Variants in TMEM38B observed in about 807,000 individuals in gnomAD.
TMEM38B encodes trimeric intracellular cation channel type B.
In TMEM38B, 24 loss-of-function variants were observed where a neutral mutation model predicts 28.7. The observed-to-expected ratio is 0.84, with a 90% CI of 0.61 to 1.18. The LOEUF (loss-of-function observed/expected upper bound fraction) is 1.18. Ranked by LOEUF, TMEM38B falls within the 50% of genes most tolerant of loss-of-function variation. The pLI is 0.00. For synonymous variants in TMEM38B, 131 were observed against 127.7 expected, an observed-to-expected ratio of 1.03 and a Z score of -0.17; for missense variants, 380 against 350.9, an observed-to-expected ratio of 1.08 and a Z score of -0.66.
At position 105,774,154 on chromosome 9, in the gene TMEM38B, T is replaced by G. The variant is rs1330593044; in HGVS notation, c.*74T>G. 1.1e-5 allele frequency: 14 copies of G among 1,230,572 alleles called. No homozygotes were observed. The highest frequency in any genetic ancestry group is 1.4e-5 in the Non-Finnish European group (12 of 870,124). 76.2% of individuals were successfully genotyped at this position (1,230,572 alleles called of 1,614,324 possible). On this transcript the variant is annotated 3_prime_UTR_variant, in exon 6 of 6. Coordinates refer to ENST00000374692, the MANE Select transcript of TMEM38B (RefSeq NM_018112.3). ...CTGTTATATTGTGCTAATTTTTCTA[T>G]GTATGTGATGTGAAATGAAGACTAT... is the stretch of plus-strand genomic sequence containing the variant.
At chr9:105,744,789 A>G (rs1383226660) in intron 4 of TMEM38B, among the ~76,000 whole-genome samples, 1 of 151,632 alleles carries the variant, frequency 6.6e-6, no homozygotes, top group Non-Finnish European at 1.5e-5. Flanking sequence ...TCCTGTGTCC[A>G]TGTGTTCTCA....
intron 5 of TMEM38B, among the ~76,000 whole-genome samples, chr9:105,755,313 G>A (rs1355593835): frequency 6.6e-6 from 1 of 152,072 alleles, no homozygotes; most frequent in Non-Finnish European, 1.5e-5. Flanking sequence ...GTGGAGGGAG[G>A]GAGAGCATCA....
At chr9:105,767,274 T>A (rs999500249) in intron 5 of TMEM38B, among the ~76,000 whole-genome samples, 6 of 152,146 alleles carry the variant, frequency 3.9e-5, no homozygotes, top group African/African-American at 1.4e-4. Context: ...GTGGGTCTAT[T>A]TCTAGACTAT....
intron 2 of TMEM38B, among the ~76,000 whole-genome samples, chr9:105,708,766 A>G (rs1265441623): frequency 3.3e-5 from 5 of 152,160 alleles, no homozygotes; most frequent in African/African-American, 1.2e-4. Flanking sequence ...TTCCCTGACT[A>G]AAGTAGCACC....
At chr9:105,727,818 A>G (rs2133585942) in intron 4 of TMEM38B, among the ~76,000 whole-genome samples, 1 of 152,196 alleles carries the variant, frequency 6.6e-6, no homozygotes, top group South Asian at 2.1e-4. Context: ...TGAATTATTT[A>G]TTACCATCCT....
intron 5 of TMEM38B, among the ~76,000 whole-genome samples, chr9:105,766,439 G>A (rs200131186): frequency 6.6e-6 from 1 of 151,990 alleles, no homozygotes; most frequent in South Asian, 2.1e-4. Context: ...TAAATATTTT[G>A]TCCATTAAAA....
intron 5 of TMEM38B, chr9:105,759,554 C>CG: frequency 6.4e-7 from 1 of 1,559,712 alleles, no homozygotes. Flanking sequence ...GATCTGTCCT[C>CG]TAATAGCAAA....
intron 2 of TMEM38B, among the ~76,000 whole-genome samples, chr9:105,715,244 A>G (rs1836052791): frequency 6.6e-6 from 1 of 152,174 alleles, no homozygotes; most frequent in South Asian, 2.1e-4. Flanking sequence ...CATTTTAAAT[A>G]TATTACTCCA....
chr9:105,706,466 T>C (rs953248101), intron 2 of TMEM38B, among the ~76,000 whole-genome samples: 2 of 152,220 alleles, frequency 1.3e-5, no homozygotes, highest in African/African-American at 4.8e-5. Flanking sequence ...TCCAAAAAGC[T>C]GGGCCTTGAA....
chr9:105,754,502 A>G (rs1007266726), intron 5 of TMEM38B, among the ~76,000 whole-genome samples: 1 of 152,242 alleles, frequency 6.6e-6, no homozygotes, highest in African/African-American at 2.4e-5. Context: ...CTTCATGGAA[A>G]TTGAACAACC....
chr9:105,772,674 T>A (rs565007303), intron 5 of TMEM38B, among the ~76,000 whole-genome samples: 219 of 152,150 alleles, frequency 1.4e-3, no homozygotes, highest in African/African-American at 4.2e-3. Flanking sequence ...ATTTTTTTTT[T>A]AAAAATTGAG....
intron 2 of TMEM38B, among the ~76,000 whole-genome samples, chr9:105,712,319 C>T (rs1262745510): frequency 1.3e-5 from 2 of 152,138 alleles, no homozygotes; most frequent in East Asian, 3.8e-4. Context: ...AGTGCTTATC[C>T]TTAGATACTA....
chr9:105,749,579 A>C (rs137937098), intron 5 of TMEM38B, among the ~76,000 whole-genome samples: 1 of 152,324 alleles, frequency 6.6e-6, no homozygotes, highest in African/African-American at 2.4e-5. Context: ...CATATCACAT[A>C]TCATACAATG....
intron 4 of TMEM38B, among the ~76,000 whole-genome samples, chr9:105,726,713 T>C (rs974959204): frequency 6.6e-6 from 1 of 152,136 alleles, no homozygotes; most frequent in Non-Finnish European, 1.5e-5. Flanking sequence ...TTGCAATCTC[T>C]ATCTTTTAAT....
At position 105,774,283 on chromosome 9, in the gene TMEM38B, A is replaced by C. The variant is rs75968754; in HGVS notation, c.*203A>C. 2.0e-6 allele frequency: 1 copy of C among 493,766 alleles called. No homozygotes were observed. The highest frequency in any genetic ancestry group is 3.4e-5 in the South Asian group (1 of 29,158). 30.6% of individuals were successfully genotyped at this position (493,766 alleles called of 1,614,324 possible). ...AGTGTTACGAGTGTATCATGTGATTATGCTTTACCGGTATAAGAGATTCTG... is the reference window on the plus strand; with the variant it reads ...AGTGTTACGAGTGTATCATGTGATTCTGCTTTACCGGTATAAGAGATTCTG... On this transcript the variant is annotated 3_prime_UTR_variant, in exon 6 of 6. Transcript: ENST00000374692.
chr9:105,771,972 A>T (rs138158354), intron 5 of TMEM38B, among the ~76,000 whole-genome samples: 5 of 152,216 alleles, frequency 3.3e-5, no homozygotes, highest in African/African-American at 1.2e-4. Flanking sequence ...AAGACAGTTA[A>T]TGCACAAGCA....
At chr9:105,703,487 G>A (rs924230282) in intron 1 of TMEM38B, among the ~76,000 whole-genome samples, 1 of 152,170 alleles carries the variant, frequency 6.6e-6, no homozygotes, top group Non-Finnish European at 1.5e-5. Flanking sequence ...TTGCTGTTGT[G>A]AATAATGCCG....
chr9:105,734,865 CT>C (rs35839234), intron 4 of TMEM38B, among the ~76,000 whole-genome samples: 32,819 of 134,934 alleles, frequency 0.24, 5,773 homozygotes, highest in African/African-American at 0.5. Context: ...GTAGTTGGAT[CT>C]TTTTTTTTTT....
chr9:105,732,877 T>G (rs1011478825), intron 4 of TMEM38B, among the ~76,000 whole-genome samples: 1 of 152,218 alleles, frequency 6.6e-6, no homozygotes, highest in East Asian at 1.9e-4. Flanking sequence ...GGGATGACAC[T>G]GAATCTATAA....
Sources: allele counts gnomAD v4.1 joint callset (sites outside exome capture counted in the v4.1 genomes callset), GRCh38; gene constraint gnomAD v4.1.1; transcripts MANE v1.5; gene names NCBI Gene and HGNC (gene_info 2026-07-23, HGNC 2026-07-21).